The following MIER1 variants were observed in gnomAD, a reference collection of about 807,000 sequenced individuals.
The protein encoded by MIER1 is mesoderm induction early response protein 1.
A neutral mutation model predicts 75.7 loss-of-function variants in MIER1; 40 were observed. The ratio of observed to expected loss-of-function variants is 0.53; its 90% confidence interval spans 0.41 to 0.69. The LOEUF is 0.69. Among genes scored for constraint, MIER1 ranks in the 30% least tolerant of loss-of-function variants. The probability of loss-of-function intolerance (pLI) is 0.00; values close to 1 mark genes in which losing one functional copy is unlikely to be tolerated. For missense variants in MIER1, 574 were observed against 680.2 expected (o/e 0.84, Z 1.74); for synonymous variants, 213 against 223.4 (o/e 0.95, Z 0.42).
intron 8 of MIER1, among the ~76,000 whole-genome samples, chr1:66,963,778 C>T (rs559391690): frequency 3.3e-5 from 5 of 151,950 alleles, no homozygotes; most frequent in African/African-American, 7.2e-5. Flanking sequence ...CGTCGTGGCG[C>T]GCACCTGTAA....
intron 2 of MIER1, among the ~76,000 whole-genome samples, chr1:66,930,746 T>G (rs1359671357): frequency 6.6e-6 from 1 of 152,072 alleles, no homozygotes; most frequent in Admixed American, 6.5e-5. Flanking sequence ...AGCTGCTGCT[T>G]CCTCTTGCGA....
chr1:66,947,248 A>G (rs558268773), intron 4 of MIER1: 1 of 152,690 alleles, frequency 6.5e-6, no homozygotes, highest in Admixed American at 6.5e-5. Flanking sequence ...TATCCTTAGT[A>G]TTCTTTAGTT....
chr1:66,941,198 A>G (rs1656121986), intron 3 of MIER1, among the ~76,000 whole-genome samples: 1 of 152,200 alleles, frequency 6.6e-6, no homozygotes, highest in African/African-American at 2.4e-5. Flanking sequence ...TTAAATGACT[A>G]GTGTGCTCAG....
chr1:66,950,444 T>G (rs1490558599), intron 4 of MIER1, among the ~76,000 whole-genome samples: 2 of 152,154 alleles, frequency 1.3e-5, no homozygotes, highest in Non-Finnish European at 2.9e-5. Context: ...ATAGAAACAC[T>G]CTAGTTTAAC....
At chr1:66,928,303 A>G (rs1304802906) in intron 2 of MIER1, among the ~76,000 whole-genome samples, 3 of 152,162 alleles carry the variant, frequency 2.0e-5, no homozygotes, top group African/African-American at 4.8e-5. Flanking sequence ...GGATTCATTC[A>G]GTAGGTTAAT....
chr1:66,982,289 T>A (rs1666042993), intron 13 of MIER1, among the ~76,000 whole-genome samples: 1 of 152,172 alleles, frequency 6.6e-6, no homozygotes, highest in Non-Finnish European at 1.5e-5. Flanking sequence ...CATTGCAAAA[T>A]ACCTTGATGT....
At position 66,985,515 on chromosome 1, in the gene MIER1, T is replaced by C. The variant is rs888558939; in HGVS notation, c.*615T>C. 3 of 984,158 alleles carry C rather than the reference T, an allele frequency of 3.0e-6. No individual in the cohort carries two copies. The African/African-American group carries it at 5.2e-5, about 17-fold the overall frequency. 61.0% of individuals were successfully genotyped at this position (984,158 alleles called of 1,614,324 possible). On this transcript the variant is annotated 3_prime_UTR_variant, in exon 14 of 14. Transcript: ENST00000401041. ...AAATTGTTGACATCAATGATGTCTT[T>C]CCATATTCTTATCTGGGCTTAAGAA...
chr1:66,934,062 C>T (rs1654083960), intron 2 of MIER1, among the ~76,000 whole-genome samples: 1 of 152,042 alleles, frequency 6.6e-6, no homozygotes, highest in Admixed American at 6.6e-5. Flanking sequence ...AGAACAATAA[C>T]TTATTATGTA....
intron 13 of MIER1, among the ~76,000 whole-genome samples, chr1:66,983,823 G>C (rs1666370278): frequency 6.6e-6 from 1 of 152,192 alleles, no homozygotes; most frequent in Non-Finnish European, 1.5e-5. Context: ...CGCCTCCTGG[G>C]TTCAAGTGAT....
At chr1:66,981,583 C>T (rs1381856301) in intron 12 of MIER1, among the ~76,000 whole-genome samples, 196 bp from the exon 13 acceptor site, 8 of 152,114 alleles carry the variant, frequency 5.3e-5, no homozygotes, top group Admixed American at 2.0e-4. Context: ...AGCCGTTATG[C>T]ATTTTTCCTA....
At chr1:66,972,809 C>T (rs529255034) in intron 10 of MIER1, 88 bp from the exon 11 acceptor site, 83 of 669,940 alleles carry the variant, frequency 1.2e-4, no homozygotes, top group African/African-American at 1.9e-4. Context: ...CTCATTTTTA[C>T]GAGAAGGTTA....
intron 8 of MIER1, among the ~76,000 whole-genome samples, chr1:66,964,167 G>C (rs1661848664): frequency 6.6e-6 from 1 of 150,794 alleles, no homozygotes; most frequent in South Asian, 2.1e-4. Context: ...CACCTCCTGG[G>C]TTCAAGTGAT....
rs1667000782 is a variant in MIER1 at position 66,988,010 on chromosome 1, TAAAA to T, written c.*3111_*3114del. Reference sequence around the variant, plus strand: ...TCATATCACATTATGTTTTGCAAAATAAAACTTGTTTTGTCACAATATTTTCTTT... The same window carrying T: ...TCATATCACATTATGTTTTGCAAAATCTTGTTTTGTCACAATATTTTCTTT... On this transcript the variant is annotated 3_prime_UTR_variant, in exon 14 of 14. Transcript: ENST00000401041. 1 of 152,306 alleles carries T rather than the reference TAAAA, an allele frequency of 6.6e-6. No homozygotes were observed. The highest frequency in any genetic ancestry group is 1.5e-5 in the Non-Finnish European group (1 of 67,988). 9.4% of individuals were successfully genotyped at this position (152,306 alleles called of 1,614,324 possible). A position where few individuals can be genotyped will look rare whatever the true frequency, so the allele number is the denominator to read the frequency against.
intron 2 of MIER1, among the ~76,000 whole-genome samples, chr1:66,935,121 GT>G (rs551428931): frequency 1.1e-3 from 174 of 152,128 alleles, no homozygotes; most frequent in African/African-American, 3.9e-3. Context: ...TGTTGTTAGG[GT>G]TTTTTTGGTG....
At chr1:66,944,136 T>C (rs1656908932) in intron 3 of MIER1, among the ~76,000 whole-genome samples, 2 of 152,088 alleles carry the variant, frequency 1.3e-5, no homozygotes, top group African/African-American at 2.4e-5. Context: ...TTGAAAATTA[T>C]TGTGAGTAAC....
At chr1:66,926,666 T>A (rs951771438) in intron 2 of MIER1, among the ~76,000 whole-genome samples, 3 of 152,208 alleles carry the variant, frequency 2.0e-5, no homozygotes, top group Non-Finnish European at 4.4e-5. Flanking sequence ...CATAAAATTT[T>A]ACCACCACAT....
At chr1:66,946,864 A>G (rs965176887) in intron 4 of MIER1, 10 of 985,134 alleles carry the variant, frequency 1.0e-5, no homozygotes, top group Non-Finnish European at 1.2e-5. Context: ...TTTTACTTGA[A>G]TTCTGGAGTA....
chr1:66,974,738 C>G (rs575500349), intron 11 of MIER1, among the ~76,000 whole-genome samples: 14 of 152,052 alleles, frequency 9.2e-5, no homozygotes, highest in Non-Finnish European at 1.9e-4. Flanking sequence ...CTAAATTACT[C>G]TAGTGCACAA....
chr1:66,960,441 A>G (rs1661035814), intron 7 of MIER1, among the ~76,000 whole-genome samples: 1 of 152,228 alleles, frequency 6.6e-6, no homozygotes, highest in Non-Finnish European at 1.5e-5. Flanking sequence ...ATAGCATATA[A>G]TTAATCATAC....
Sources: gnomAD v4.1 joint callset for allele counts (sites outside exome capture counted in the v4.1 genomes callset) on GRCh38, gnomAD v4.1.1 for gene constraint, MANE v1.5 for transcripts, NCBI Gene and HGNC (gene_info 2026-07-23, HGNC 2026-07-21) for gene names.